Variants in ANKRD11 observed in about 807,000 individuals in gnomAD.
ANKRD11 encodes ankyrin repeat domain-containing protein 11.
ANKRD11 carries 17 observed loss-of-function variants against 195.7 expected under a neutral mutation model. The observed-to-expected ratio is 0.09, with a 90% CI of 0.06 to 0.13. The LOEUF is 0.13. ANKRD11 is among the 10% of genes least tolerant of loss of function. The pLI is 1.00. For synonymous variants in ANKRD11, 1,953 were observed against 1,528.1 expected, an observed-to-expected ratio of 1.28 and a Z score of -6.49; for missense variants, 3,735 against 3,566.1, an observed-to-expected ratio of 1.05 and a Z score of -1.21.
At chr16:89,270,653 C>A in intron 12 of ANKRD11, 164 bp downstream of exon 12, 1 of 731,856 alleles carries the variant, frequency 1.4e-6, no homozygotes, top group Non-Finnish European at 2.4e-6. Context: ...ACCTCACCTC[C>A]CCGAAAGCAT....
intron 2 of ANKRD11, chr16:89,323,988 T>C: frequency 4.6e-6 from 1 of 216,390 alleles, no homozygotes; most frequent in Non-Finnish European, 9.4e-6. Context: ...AATTCACAGG[T>C]TCAAACCAAA....
At chr16:89,342,254 G>A (rs2038726450) in intron 2 of ANKRD11, among the ~76,000 whole-genome samples, 1 of 152,382 alleles carries the variant, frequency 6.6e-6, no homozygotes, top group South Asian at 2.1e-4. Context: ...AAGGTTCCAG[G>A]TGGAACATCA....
chr16:89,356,912 G>A lies in ANKRD11; in HGVS notation c.-59-39834C>T, dbSNP rs958681429. Reference sequence around the variant, plus strand: ...CCAGGCCCTGTGGCTGTAATCTCCCGGAGTCCCAGGCATCCTGCTGCTGGG... The same window carrying A: ...CCAGGCCCTGTGGCTGTAATCTCCCAGAGTCCCAGGCATCCTGCTGCTGGG... On this transcript the variant is annotated intron_variant, in intron 2 of 12. Coordinates refer to ENST00000301030, the MANE Select transcript of ANKRD11 (RefSeq NM_013275.6). 1.1e-4 allele frequency among the ~76,000 whole-genome samples: 17 copies of A among 152,250 alleles called. No individual in the cohort carries two copies. The East Asian group carries it at 1.9e-3, about 17-fold the overall frequency.
At chr16:89,274,025 G>A (rs1209344866) in intron 11 of ANKRD11, among the ~76,000 whole-genome samples, 1 of 152,206 alleles carries the variant, frequency 6.6e-6, no homozygotes, top group Non-Finnish European at 1.5e-5. Context: ...GCTCCGAGGA[G>A]GAGGGAGGGG....
At chr16:89,322,844 C>A (rs1429652341) in intron 2 of ANKRD11, among the ~76,000 whole-genome samples, 1 of 151,830 alleles carries the variant, frequency 6.6e-6, no homozygotes, top group Non-Finnish European at 1.5e-5. Flanking sequence ...CTGAAGAGTT[C>A]TTTTGTTTGT....
chr16:89,462,414 C>T (rs1039361495), intron 1 of ANKRD11, among the ~76,000 whole-genome samples: 3 of 152,234 alleles, frequency 2.0e-5, no homozygotes, highest in Admixed American at 1.3e-4. Flanking sequence ...GATCTCGGCT[C>T]GCTACAACCT....
chr16:89,300,698 C>G (rs148096118), intron 4 of ANKRD11: 1 of 542,370 alleles, frequency 1.8e-6, no homozygotes, highest in Admixed American at 3.6e-5. Context: ...GCACCAGGAA[C>G]AAACATGACG....
intron 1 of ANKRD11, among the ~76,000 whole-genome samples, chr16:89,474,788 A>G (rs1164266046): frequency 1.3e-5 from 2 of 152,252 alleles, no homozygotes; most frequent in Non-Finnish European, 2.9e-5. Flanking sequence ...TGCTGCCTTC[A>G]AGGTTACATA....
intron 1 of ANKRD11, among the ~76,000 whole-genome samples, chr16:89,449,723 G>A (rs1206094205): frequency 2.0e-5 from 3 of 152,150 alleles, no homozygotes; most frequent in Non-Finnish European, 4.4e-5. Context: ...AACCTGGGAG[G>A]TGGAGGTTGC....
At chr16:89,307,768 G>T (rs139601650) in intron 3 of ANKRD11, among the ~76,000 whole-genome samples, 4 of 152,232 alleles carry the variant, frequency 2.6e-5, no homozygotes, top group Non-Finnish European at 4.4e-5. Flanking sequence ...GTCGGGGAAC[G>T]CCAGGAAAGA....
chr16:89,357,528 C>A (rs2039538899), intron 2 of ANKRD11, among the ~76,000 whole-genome samples: 1 of 152,150 alleles, frequency 6.6e-6, no homozygotes, highest in African/African-American at 2.4e-5. Context: ...GGTAGATATA[C>A]AAAAGAACTG....
At chr16:89,347,829 G>C (rs2039016221) in intron 2 of ANKRD11, among the ~76,000 whole-genome samples, 1 of 152,152 alleles carries the variant, frequency 6.6e-6, no homozygotes, top group Non-Finnish European at 1.5e-5. Flanking sequence ...TCACCAGTAA[G>C]AATGGTGTCA....
intron 2 of ANKRD11, among the ~76,000 whole-genome samples, chr16:89,388,946 T>C (rs972137486): frequency 6.6e-6 from 1 of 152,188 alleles, no homozygotes; most frequent in Non-Finnish European, 1.5e-5. Flanking sequence ...AAGCCCAAGA[T>C]GACTTACAGG....
intron 2 of ANKRD11, among the ~76,000 whole-genome samples, chr16:89,414,121 C>A (rs566684506): frequency 6.6e-6 from 1 of 152,226 alleles, no homozygotes; most frequent in Non-Finnish European, 1.5e-5. Context: ...GGCGCACGAT[C>A]GCACCTGCCT....
chr16:89,301,039 C>A, intron 4 of ANKRD11: 1 of 571,784 alleles, frequency 1.7e-6, no homozygotes, highest in Non-Finnish European at 3.1e-6. Flanking sequence ...CTCCCCAGAA[C>A]CCCAGGGAGG....
At chr16:89,422,238 C>A (rs1007829704) in intron 1 of ANKRD11, 10 of 152,166 alleles carry the variant, frequency 6.6e-5, no homozygotes, top group African/African-American at 2.2e-4. Context: ...CACTTCCGCA[C>A]AGAAGCTCAA....
chr16:89,469,017 A>G (rs975668714), intron 1 of ANKRD11, among the ~76,000 whole-genome samples: 1 of 152,138 alleles, frequency 6.6e-6, no homozygotes, highest in African/African-American at 2.4e-5. Context: ...AACTTCCTCA[A>G]CCTCATAAAG....
In ANKRD11 at chr16:89,291,400, T is replaced by G. The variant is rs921454049; in HGVS notation, c.227-217A>C. ...GTGACTGTGAGACCATTTAAACACC[T>G]CGTTACCAGCCCCTCAAGTCTGCTA... On this transcript the variant is annotated intron_variant, in intron 4 of 12. Coordinates refer to ENST00000301030, the MANE Select transcript of ANKRD11 (RefSeq NM_013275.6). The surrounding 1 kb of genome is among the most constrained non-coding windows in gnomAD (Gnocchi z 5.3). 3.6e-4 allele frequency among the ~76,000 whole-genome samples: 55 copies of G among 151,734 alleles called. 1 individual carries two copies. Among genetic ancestry groups the G allele is most frequent in the African/African-American group, 1.2e-3 (49 of 41,482 alleles).
chr16:89,420,610 G>A (rs148747644), intron 1 of ANKRD11, among the ~76,000 whole-genome samples: 5 of 152,234 alleles, frequency 3.3e-5, no homozygotes, highest in African/African-American at 1.2e-4. Context: ...AGAAAATTCT[G>A]GTCTGAAGGT....
Sources: allele counts gnomAD v4.1 joint callset (sites outside exome capture counted in the v4.1 genomes callset), GRCh38; gene constraint gnomAD v4.1.1; non-coding constraint Gnocchi (gnomAD v3.1); transcripts MANE v1.5; gene names NCBI Gene and HGNC (gene_info 2026-07-23, HGNC 2026-07-21).